The following ATP7B variants were observed in gnomAD, a reference collection of about 807,000 sequenced individuals.
ATP7B encodes ATPase copper transporting beta.
ATP7B carries 113 observed loss-of-function variants against 118.9 expected under a neutral mutation model. The ratio of observed to expected loss-of-function variants is 0.95; its 90% CI spans 0.82 to 1.11. ATP7B has a LOEUF of 1.11. ATP7B is among the 50% of genes most tolerant of loss of function. ATP7B has a pLI of 0.00. For synonymous variants in ATP7B, 777 were observed against 727.4 expected (o/e 1.07, Z -1.10); for missense variants, 1,867 against 1,871.4 (o/e 1.00, Z 0.04).
rs537892210 is a variant in ATP7B, at chr13:51,974,680, G to A, written c.540C>T (p.Asn180=). Residue 180 remains asparagine (N), a synonymous_variant, in exon 2 of 21, where the codon AAC becomes AAT. Coordinates refer to ENST00000242839, the MANE Select transcript of ATP7B (RefSeq NM_000053.4). ...GCTGATAAGTGATGACGGCCTCTTG[G>A]TTGCTGAGTGAGACTTTGACTCTCA... ...GVVRVKVSLS[N]QEAVITYQPY... 378 of 1,611,292 alleles carry A rather than the reference G, an allele frequency of 2.3e-4. 8 individuals carry two copies. In the South Asian group the frequency reaches 4.0e-3, roughly 17 times the overall value.
At chr13:51,957,714 C>G (rs575179402) in intron 8 of ATP7B, 107 bp from the exon 9 acceptor site, 12 of 1,069,696 alleles carry the variant, frequency 1.1e-5, no homozygotes, top group Middle Eastern at 2.5e-4. Context: ...GCGAGAGAAA[C>G]AGCCGCACGG....
chr13:51,985,070 C>G (rs770952298), intron 1 of ATP7B, among the ~76,000 whole-genome samples: 2 of 152,116 alleles, frequency 1.3e-5, no homozygotes, highest in Non-Finnish European at 2.9e-5. Context: ...CATAACAATA[C>G]TAACCTTAAA....
At position 51,934,622 on chromosome 13, in the gene ATP7B, G is replaced by A; in HGVS notation, c.*134C>T. On this transcript the variant is annotated 3_prime_UTR_variant, in exon 21 of 21. Coordinates refer to ENST00000242839, the MANE Select transcript of ATP7B (RefSeq NM_000053.4). ...GACAAGGCCGCGTGCTGCAGGGCAGGATGACTGGACATATCCAGGGAGCGG... is the reference window on the plus strand; with the variant it reads ...GACAAGGCCGCGTGCTGCAGGGCAGAATGACTGGACATATCCAGGGAGCGG... 7.0e-7 allele frequency: 1 copy of A among 1,419,970 alleles called. No homozygotes were observed. Among genetic ancestry groups the A allele is most frequent in the Non-Finnish European group, 9.7e-7 (1 of 1,035,202 alleles). 88.0% of individuals were successfully genotyped at this position (1,419,970 alleles called of 1,614,324 possible).
chr13:52,007,235 A>C (rs1953815702), intron 1 of ATP7B, among the ~76,000 whole-genome samples: 1 of 152,236 alleles, frequency 6.6e-6, no homozygotes, highest in Non-Finnish European at 1.5e-5. Context: ...ATATTCATTA[A>C]ATAATCATAC....
intron 13 of ATP7B, among the ~76,000 whole-genome samples, chr13:51,945,019 G>A (rs144176635): frequency 3.8e-4 from 58 of 152,306 alleles, no homozygotes; most frequent in Middle Eastern, 3.4e-3. Flanking sequence ...CCCACAAGCA[G>A]GGTTCTCCCT....
intron 1 of ATP7B, among the ~76,000 whole-genome samples, chr13:51,988,584 C>T (rs1952767347): frequency 6.6e-6 from 1 of 152,100 alleles, no homozygotes; most frequent in African/African-American, 2.4e-5. Flanking sequence ...GTAAATCATT[C>T]TACGATAAAG....
chr13:51,953,562 A>G (rs1958140787), intron 9 of ATP7B, among the ~76,000 whole-genome samples: 1 of 152,182 alleles, frequency 6.6e-6, no homozygotes, highest in South Asian at 2.1e-4. Flanking sequence ...ATAGTCCTTT[A>G]TGAGGGTTAA....
intron 9 of ATP7B, 85 bp from the exon 10 acceptor site, chr13:51,950,484 C>T: frequency 1.3e-6 from 2 of 1,576,456 alleles, no homozygotes; most frequent in Non-Finnish European, 1.7e-6. Context: ...AATAGTTACA[C>T]TGTATTTGCT....
intron 1 of ATP7B, among the ~76,000 whole-genome samples, chr13:52,003,626 T>TAAA (rs35755652): frequency 8.3e-4 from 124 of 148,598 alleles, no homozygotes; most frequent in South Asian, 4.2e-3. Context: ...CTTCAACTGG[T>TAAA]AAAAAAAAAA....
At chr13:52,000,690 C>T (rs1221910827) in intron 1 of ATP7B, among the ~76,000 whole-genome samples, 1 of 152,172 alleles carries the variant, frequency 6.6e-6, no homozygotes, top group Non-Finnish European at 1.5e-5. Context: ...TCCTTCCCTC[C>T]ACTTGCCCAG....
chr13:51,953,424 C>T (rs150815500), intron 9 of ATP7B, among the ~76,000 whole-genome samples: 1 of 152,338 alleles, frequency 6.6e-6, no homozygotes, highest in East Asian at 1.9e-4. Flanking sequence ...TTAAAATTGG[C>T]ACGAATGTAC....
intron 1 of ATP7B, among the ~76,000 whole-genome samples, chr13:52,002,975 G>A (rs1467250479): frequency 1.3e-5 from 2 of 152,210 alleles, no homozygotes; most frequent in Non-Finnish European, 2.9e-5. Flanking sequence ...TGAGGACCTT[G>A]CTCTGGACTA....
intron 1 of ATP7B, among the ~76,000 whole-genome samples, chr13:51,995,608 T>C (rs1324206378): frequency 6.6e-6 from 1 of 152,170 alleles, no homozygotes; most frequent in Non-Finnish European, 1.5e-5. Context: ...TTCAGCAGAC[T>C]ATTTGGTTGT....
chr13:52,007,242 A>G (rs1029144552), intron 1 of ATP7B, among the ~76,000 whole-genome samples: 2 of 152,226 alleles, frequency 1.3e-5, no homozygotes, highest in African/African-American at 4.8e-5. Flanking sequence ...TTAAATAATC[A>G]TACCAGGTGG....
In ATP7B at chr13:51,965,004, G is replaced by C. The variant is rs1462995659; in HGVS notation, c.1737C>G (p.Val579=). 29 of 1,614,036 alleles carry C rather than the reference G, an allele frequency of 1.8e-5. No individual in the cohort carries two copies. Among genetic ancestry groups the C allele is most frequent in the Non-Finnish European group, 2.3e-5 (27 of 1,180,038 alleles). The change falls in exon 5 of 21, where the codon GTC becomes GTG. Residue 579 remains valine (V), a synonymous_variant. Transcript: ENST00000242839. ...TCGTGAGTTTGGACTCTATGTTGTG[G>C]ACACAGGACGCGCAGGTCATCCCTG... ...TITGMTCASC[V]HNIESKLTRT...
intron 1 of ATP7B, among the ~76,000 whole-genome samples, chr13:52,002,496 G>A (rs1394111570): frequency 6.9e-6 from 1 of 144,346 alleles, no homozygotes; most frequent in Non-Finnish European, 1.5e-5. Context: ...AGCCCGAGGA[G>A]ATCCAGGCTG....
In ATP7B at chr13:51,933,436, A is replaced by T. The variant is rs1356381600; in HGVS notation, c.*1320T>A. 6.6e-6 allele frequency: 1 copy of T among 152,246 alleles called. No homozygotes were observed. Among genetic ancestry groups the T allele is most frequent in the Non-Finnish European group, 1.5e-5 (1 of 68,050 alleles). The allele number at this position is 152,246 out of a possible 1,614,324, so 9.4% of individuals were successfully genotyped here. ...GTAATGGACAATGAAAAAAATCACTAAAACTATTTTGTGTGGGAGAAAAGG... is the reference window on the plus strand; with the variant it reads ...GTAATGGACAATGAAAAAAATCACTTAAACTATTTTGTGTGGGAGAAAAGG... On this transcript the variant is annotated 3_prime_UTR_variant, in exon 21 of 21. Transcript: ENST00000242839.
intron 19 of ATP7B, among the ~76,000 whole-genome samples, chr13:51,935,983 C>T (rs573388279): frequency 2.1e-3 from 315 of 152,322 alleles, no homozygotes; most frequent in African/African-American, 6.7e-3. Flanking sequence ...TCCAGGGCAG[C>T]GACAAACCAC....
chr13:51,939,322 T>C, intron 16 of ATP7B, 129 bp from the exon 17 acceptor site: 1 of 1,434,896 alleles, frequency 7.0e-7, no homozygotes, highest in Non-Finnish European at 9.5e-7. Flanking sequence ...TATAACACAA[T>C]GTGGTTTTTT....
Sources: allele counts gnomAD v4.1 joint callset (sites outside exome capture counted in the v4.1 genomes callset), GRCh38; gene constraint gnomAD v4.1.1; transcripts MANE v1.5; gene names NCBI Gene and HGNC (gene_info 2026-07-23, HGNC 2026-07-21).